The following HEXA variants were observed in gnomAD, a reference collection of about 807,000 sequenced individuals.
The protein encoded by HEXA is beta-hexosaminidase subunit alpha.
In HEXA, 54 loss-of-function variants were observed where a neutral mutation model predicts 73.3. The observed-to-expected ratio is 0.74, with a 90% CI of 0.59 to 0.92. The LOEUF is 0.92. Ranked by LOEUF, HEXA falls within the 40% of genes least tolerant of loss-of-function variation. The probability of loss-of-function intolerance (pLI) is 0.00; values close to 1 mark genes in which losing one functional copy is unlikely to be tolerated. For missense variants in HEXA, 649 were observed against 653.0 expected (o/e 0.99, Z 0.07); for synonymous variants, 230 against 246.9 (o/e 0.93, Z 0.64).
chr15:72,357,127 G>A (rs2088795819), intron 1 of HEXA: 2 of 254,794 alleles, frequency 7.8e-6, no homozygotes, highest in Non-Finnish European at 1.6e-5. Flanking sequence ...TTGATGAAGA[G>A]ATCAGTCTTA....
chr15:72,351,341 C>T, intron 5 of HEXA, 107 bp from the exon 6 acceptor site: 1 of 761,024 alleles, frequency 1.3e-6, no homozygotes, highest in South Asian at 1.4e-5. Flanking sequence ...CCCCTACAGG[C>T]TTGACCTGCC....
intron 11 of HEXA, 28 bp downstream of exon 11, chr15:72,346,499 G>A (rs774507567): frequency 4.0e-5 from 64 of 1,606,274 alleles, no homozygotes; most frequent in Non-Finnish European, 5.5e-5. Flanking sequence ...GCCTCCTTTG[G>A]TTAGCAAGGA....
intron 1 of HEXA, among the ~76,000 whole-genome samples, chr15:72,369,694 T>C (rs2088963548): frequency 1.3e-5 from 2 of 152,190 alleles, no homozygotes; most frequent in South Asian, 4.1e-4. Context: ...TGAGACACCA[T>C]GCCCAGCTTT....
At chr15:72,350,952 G>C in intron 6 of HEXA, 181 bp downstream of exon 6, 1 of 661,518 alleles carries the variant, frequency 1.5e-6, no homozygotes, top group Admixed American at 2.2e-5. Context: ...AGGTCACAAG[G>C]CAAATTATCG....
intron 10 of HEXA, 70 bp downstream of exon 10, chr15:72,347,616 G>A (rs1595797965): frequency 1.7e-6 from 2 of 1,194,292 alleles, no homozygotes; most frequent in South Asian, 1.2e-5. Context: ...CTCTGTAGAG[G>A]CAGGGAGGAG....
chr15:72,353,911 A>G (rs751309898), intron 3 of HEXA, 174 bp from the exon 4 acceptor site: 2 of 666,422 alleles, frequency 3.0e-6, no homozygotes, highest in Non-Finnish European at 5.5e-6. Flanking sequence ...GGAAGCCACT[A>G]TCCATCTTTA....
Position 72,353,132 on chromosome 15 carries a change from T to A in HEXA, c.506A>T (p.His169Leu). ...TEIEDFPRFP[H>L]RGLLLDTSRH... ...AGATGTATCCAACAGCAAGCCCCGGTGAGGAAAGCGGGGAAAGTCCTCAAT... is the reference window on the plus strand; with the variant it reads ...AGATGTATCCAACAGCAAGCCCCGGAGAGGAAAGCGGGGAAAGTCCTCAAT... Residue 169 changes from histidine to leucine, a missense_variant, in exon 5 of 14, where the codon CAC becomes CTC. His to Leu is a moderately conservative substitution (Grantham distance 99). Transcript: ENST00000268097. 6.2e-7 allele frequency: 1 copy of A among 1,613,752 alleles called. No individual in the cohort carries two copies. Among genetic ancestry groups the A allele is most frequent in the African/African-American group, 1.3e-5 (1 of 74,990 alleles).
chr15:72,344,033 A>G lies in HEXA; in HGVS notation c.*44T>C. ...CAGGATGCAGTGGAAGCCTGGCTCC[A>G]CTACCATTCACCTACAGCCAGCACC... On this transcript the variant is annotated 3_prime_UTR_variant, in exon 14 of 14. Transcript: ENST00000268097. 1 of 1,538,742 alleles carries G rather than the reference A, an allele frequency of 6.5e-7. No individual in the cohort carries two copies.
At chr15:72,373,664 C>T (rs1322015968) in intron 1 of HEXA, among the ~76,000 whole-genome samples, 1 of 152,048 alleles carries the variant, frequency 6.6e-6, no homozygotes, top group Non-Finnish European at 1.5e-5. Flanking sequence ...CTTGATTAAA[C>T]TATGGTGCTA....
intron 7 of HEXA, 128 bp downstream of exon 7, chr15:72,350,389 GA>G: frequency 1.0e-6 from 1 of 979,534 alleles, no homozygotes; most frequent in South Asian, 1.3e-5. Flanking sequence ...TTCCCAGGTG[GA>G]AGAAGTCGAT....
chr15:72,353,127 C>A lies in HEXA; in HGVS notation c.511G>T (p.Gly171Cys). ...IEDFPRFPHR[G>C]LLLDTSRHYL... Reference sequence around the variant, plus strand: ...TGGCGAGATGTATCCAACAGCAAGCCCCGGTGAGGAAAGCGGGGAAAGTCC... The same window carrying A: ...TGGCGAGATGTATCCAACAGCAAGCACCGGTGAGGAAAGCGGGGAAAGTCC... Residue 171 changes from glycine (G) to cysteine (C), a missense_variant, in exon 5 of 14, where the codon GGC becomes TGC. Coordinates refer to ENST00000268097, the MANE Select transcript of HEXA (RefSeq NM_000520.6). 1 of 1,613,828 alleles carries A rather than the reference C, an allele frequency of 6.2e-7. No individual in the cohort carries two copies. Among genetic ancestry groups the A allele is most frequent in the Non-Finnish European group, 8.5e-7 (1 of 1,179,790 alleles).
chr15:72,346,731 G>A (rs1451578393), intron 10 of HEXA, 21 bp from the exon 11 acceptor site: 4 of 1,612,008 alleles, frequency 2.5e-6, no homozygotes, highest in East Asian at 4.5e-5. Context: ...AGGTCAAATG[G>A]CAGTAAGGAC....
chr15:72,368,176 A>T (rs2088942367), intron 1 of HEXA, among the ~76,000 whole-genome samples: 1 of 152,210 alleles, frequency 6.6e-6, no homozygotes, highest in African/African-American at 2.4e-5. Flanking sequence ...GGATCAAAAT[A>T]TTCATAACCT....
At chr15:72,371,591 G>GAAAAA (rs11299619) in intron 1 of HEXA, among the ~76,000 whole-genome samples, 7 of 121,976 alleles carry the variant, frequency 5.7e-5, no homozygotes, top group African/African-American at 2.7e-4. Flanking sequence ...GTCTCTAAAA[G>GAAAAA]AAAAAAAAAA....
chr15:72,373,562 T>C (rs533935590), intron 1 of HEXA, among the ~76,000 whole-genome samples: 2 of 152,324 alleles, frequency 1.3e-5, no homozygotes, highest in African/African-American at 2.4e-5. Flanking sequence ...TATATGGAAA[T>C]AAACATCTTA....
At chr15:72,348,253 G>A (rs2088645771) in intron 8 of HEXA, 119 bp from the exon 9 acceptor site, 2 of 749,220 alleles carry the variant, frequency 2.7e-6, no homozygotes, top group East Asian at 2.6e-5. Context: ...AAATAAGCAA[G>A]GATCTCAGAA....
chr15:72,345,398 C>A, intron 13 of HEXA, 48 bp downstream of exon 13: 1 of 1,612,658 alleles, frequency 6.2e-7, no homozygotes, highest in Non-Finnish European at 8.5e-7. Context: ...GTTCCCCAGC[C>A]CTGGATCTGG....
chr15:72,345,850 C>T, intron 12 of HEXA: 1 of 527,844 alleles, frequency 1.9e-6, no homozygotes, highest in Non-Finnish European at 3.4e-6. Flanking sequence ...AGCAGAGGTC[C>T]TTAAAATGTA....
intron 1 of HEXA, among the ~76,000 whole-genome samples, chr15:72,372,837 G>GA (rs2089010817): frequency 6.6e-6 from 1 of 152,162 alleles, no homozygotes; most frequent in South Asian, 2.1e-4. Context: ...ATTGCATTAG[G>GA]AAAAACACTG....
Sources: allele counts gnomAD v4.1 joint callset (sites outside exome capture counted in the v4.1 genomes callset), GRCh38; gene constraint gnomAD v4.1.1; transcripts MANE v1.5; gene names NCBI Gene and HGNC (gene_info 2026-07-23, HGNC 2026-07-21).